Variants in PRSS23 observed in about 807,000 individuals in gnomAD.
PRSS23 encodes the protein protease, serine 23.
A neutral mutation model predicts 34.7 loss-of-function variants in PRSS23; 25 were observed. That is an observed-to-expected ratio of 0.72 (90% CI 0.53 to 1.01). The LOEUF (loss-of-function observed/expected upper bound fraction) is 1.01, where lower values mean the gene tolerates loss of function less well. PRSS23 is among the 50% of genes least tolerant of loss of function. The pLI, the probability that PRSS23 is intolerant of heterozygous loss-of-function variation, is 0.00. For synonymous variants in PRSS23, 176 were observed against 186.6 expected, an observed-to-expected ratio of 0.94 and a Z score of 0.46; for missense variants, 445 against 475.6, an observed-to-expected ratio of 0.94 and a Z score of 0.60.
At chr11:86,795,796 A>T (rs552607979), upstream of PRSS23, among the ~76,000 whole-genome samples, 7 of 152,362 alleles carry the variant, frequency 4.6e-5, no homozygotes, top group African/African-American at 1.7e-4. Context: ...CTTTATTATT[A>T]TCAAAGAAAT....
chr11:86,838,105 A>T (rs1948420616), intron 2 of PRSS23, among the ~76,000 whole-genome samples: 1 of 150,520 alleles, frequency 6.6e-6, no homozygotes, highest in Non-Finnish European at 1.5e-5. Context: ...AAATAGCTTT[A>T]TTGACATATA....
intron 2 of PRSS23, among the ~76,000 whole-genome samples, chr11:86,871,099 A>T (rs1450886080): frequency 6.6e-6 from 1 of 152,166 alleles, no homozygotes; most frequent in Non-Finnish European, 1.5e-5. Context: ...CGCTTAGACT[A>T]TATTTTCCTT....
At chr11:86,823,880 C>T (rs1176481662) in intron 2 of PRSS23, among the ~76,000 whole-genome samples, 1 of 150,196 alleles carries the variant, frequency 6.7e-6, no homozygotes, top group East Asian at 2.0e-4. Context: ...GTAGCGGGCG[C>T]CTGTAGTCCC....
chr11:86,816,319 C>T (rs1269033845), intron 1 of PRSS23, among the ~76,000 whole-genome samples: 1 of 152,170 alleles, frequency 6.6e-6, no homozygotes, highest in Admixed American at 6.5e-5. Flanking sequence ...CATCCCTGTG[C>T]TCAGGGTGTT....
At chr11:86,914,242 C>A (rs1262123778) in intron 2 of PRSS23, among the ~76,000 whole-genome samples, 1 of 151,772 alleles carries the variant, frequency 6.6e-6, no homozygotes, top group African/African-American at 2.4e-5. Flanking sequence ...CAAAAAACAA[C>A]AAAAGAAAGA....
intron 2 of PRSS23, among the ~76,000 whole-genome samples, chr11:86,879,921 G>A (rs1370431309): frequency 3.3e-5 from 5 of 149,560 alleles, no homozygotes; most frequent in African/African-American, 9.9e-5. Context: ...CCCTCTGCCC[G>A]GCCACCACCC....
chr11:86,924,129 A>T (rs1166428329), intron 2 of PRSS23, among the ~76,000 whole-genome samples: 1 of 152,124 alleles, frequency 6.6e-6, no homozygotes, highest in Non-Finnish European at 1.5e-5. Context: ...GCTGGTGGTT[A>T]ATTGTTCACC....
At chr11:86,814,349 G>A (rs1007798957), downstream of PRSS23, among the ~76,000 whole-genome samples, 3 of 149,418 alleles carry the variant, frequency 2.0e-5, no homozygotes, top group Admixed American at 6.7e-5. Context: ...GGGTTCAGTA[G>A]AAGAGAAGGA....
intron 2 of PRSS23, among the ~76,000 whole-genome samples, chr11:86,926,794 A>G (rs1949084857): frequency 6.6e-6 from 1 of 152,110 alleles, no homozygotes; most frequent in South Asian, 2.1e-4. Flanking sequence ...CCCTCCATCT[A>G]CGTGGGGCAG....
intron 2 of PRSS23, among the ~76,000 whole-genome samples, chr11:86,881,641 A>AT (rs1328313648): frequency 6.6e-6 from 1 of 152,014 alleles, no homozygotes; most frequent in Non-Finnish European, 1.5e-5. Context: ...TCCCTCTTCT[A>AT]TTTTTTTGAA....
intron 1 of PRSS23, among the ~76,000 whole-genome samples, chr11:86,803,620 A>G (rs529003123): frequency 2.0e-5 from 3 of 152,294 alleles, no homozygotes; most frequent in East Asian, 3.9e-4. Flanking sequence ...CGAATGCCTC[A>G]GGAAAGACCC....
intron 2 of PRSS23, among the ~76,000 whole-genome samples, chr11:86,889,552 C>T (rs1837691049): frequency 6.6e-6 from 1 of 152,276 alleles, no homozygotes; most frequent in East Asian, 1.9e-4. Flanking sequence ...ACTGAATGCA[C>T]TCCATCAAGT....
chr11:86,867,077 G>A lies in PRSS23; in HGVS notation c.206+43484G>A, dbSNP rs563021640. ...GAAAGAGACTCAGTACATCAGTGAT[G>A]TGGCAGATACAGAACCAGGGTATCT... On this transcript the variant is annotated intron_variant, in intron 2 of 2. Coordinates refer to the PRSS23 transcript ENST00000533902. Among the ~76,000 whole-genome samples, 11 of 152,352 alleles carry A rather than the reference G, an allele frequency of 7.2e-5. No individual in the cohort carries two copies. In the East Asian group the frequency reaches 1.5e-3, roughly 21 times the overall value.
intron 2 of PRSS23, among the ~76,000 whole-genome samples, chr11:86,925,203 C>T (rs1949072672): frequency 6.6e-6 from 1 of 152,010 alleles, no homozygotes; most frequent in Non-Finnish European, 1.5e-5. Context: ...TTTGTAGAGC[C>T]CCTGGATGCT....
At chr11:86,829,007 C>T (rs9736915) in intron 2 of PRSS23, among the ~76,000 whole-genome samples, 2,658 of 152,134 alleles carry the variant, frequency 0.017, 75 homozygotes, top group African/African-American at 0.061. Flanking sequence ...ATCTTTGTGG[C>T]GTTCTCTGTA....
chr11:86,883,701 T>C (rs184304609), intron 2 of PRSS23, among the ~76,000 whole-genome samples: 27 of 152,330 alleles, frequency 1.8e-4, no homozygotes, highest in African/African-American at 6.5e-4. Flanking sequence ...TATTTTTAAA[T>C]ATACGTGTTT....
rs528514106 is a variant in PRSS23, at chr11:86,913,772, T to C, written c.207-37444T>C. On this transcript the variant is annotated intron_variant, in intron 2 of 2. Coordinates refer to the PRSS23 transcript ENST00000533902. Reference sequence around the variant, plus strand: ...GTGGTGAGAGGGGAGGCAATGATCTTGAGTGGTATTTTCCTATGAAGTGTG... The same window carrying C: ...GTGGTGAGAGGGGAGGCAATGATCTCGAGTGGTATTTTCCTATGAAGTGTG... 5.3e-5 allele frequency among the ~76,000 whole-genome samples: 8 copies of C among 151,512 alleles called. No homozygotes were observed. In the South Asian group the frequency reaches 1.7e-3, roughly 31 times the overall value.
intron 2 of PRSS23, among the ~76,000 whole-genome samples, chr11:86,877,283 C>A (rs994256318): frequency 6.6e-6 from 1 of 152,190 alleles, no homozygotes; most frequent in Non-Finnish European, 1.5e-5. Flanking sequence ...TACTGCAAAA[C>A]TGATGGGAAG....
chr11:86,796,690 C>A (rs938280820), upstream of PRSS23, among the ~76,000 whole-genome samples: 1 of 150,840 alleles, frequency 6.6e-6, no homozygotes, highest in Admixed American at 6.6e-5. Flanking sequence ...ATATACTCCA[C>A]AGTACCTGGC....
Sources: gnomAD v4.1 joint callset for allele counts (sites outside exome capture counted in the v4.1 genomes callset) on GRCh38, gnomAD v4.1.1 for gene constraint, MANE v1.5 for transcripts, NCBI Gene and HGNC (gene_info 2026-07-23, HGNC 2026-07-21) for gene names.